The following CNIH4 variants were observed in gnomAD, a reference collection of about 807,000 sequenced individuals.
The protein encoded by CNIH4 is protein cornichon homolog 4.
A neutral mutation model predicts 21.5 loss-of-function variants in CNIH4; 9 were observed. The observed-to-expected ratio is 0.42, with a 90% CI of 0.25 to 0.73. The LOEUF is 0.73. Among genes scored for constraint, CNIH4 ranks in the 30% least tolerant of loss-of-function variants. The probability of loss-of-function intolerance (pLI) is 0.27; values close to 1 mark genes in which losing one functional copy is unlikely to be tolerated. For synonymous variants in CNIH4, 67 were observed against 59.1 expected (o/e 1.13, Z -0.61); for missense variants, 159 against 170.0 (o/e 0.94, Z 0.36).
In CNIH4 at chr1:224,378,100, G is replaced by C. The variant is rs577089012; in HGVS notation, c.*2278G>C. On this transcript the variant is annotated 3_prime_UTR_variant, in exon 5 of 5. Coordinates refer to ENST00000465271, the MANE Select transcript of CNIH4 (RefSeq NM_014184.4). ...GACAGAGTCTTGCCCTGTCGCCCAAGCTGGAGTGCACTGGCGCAATCGTGG... is the reference window on the plus strand; with the variant it reads ...GACAGAGTCTTGCCCTGTCGCCCAACCTGGAGTGCACTGGCGCAATCGTGG... 1 of 151,710 alleles carries C rather than the reference G, an allele frequency of 6.6e-6. No individual in the cohort carries two copies. Among genetic ancestry groups the C allele is most frequent in the Non-Finnish European group, 1.5e-5 (1 of 67,996 alleles). 9.4% of individuals were successfully genotyped at this position (151,710 alleles called of 1,614,324 possible).
intron 2 of CNIH4, 140 bp from the exon 3 acceptor site, chr1:224,365,739 T>A (rs1672432004): frequency 1.5e-6 from 1 of 657,376 alleles, no homozygotes; most frequent in Non-Finnish European, 2.8e-6. Context: ...AGTATGCAAA[T>A]CTGGGACATG....
At chr1:224,373,460 T>G (rs1463019645) in intron 4 of CNIH4, among the ~76,000 whole-genome samples, 1 of 152,118 alleles carries the variant, frequency 6.6e-6, no homozygotes, top group Non-Finnish European at 1.5e-5. Flanking sequence ...CTTGGAGGTA[T>G]CTTGCTTAGT....
At chr1:224,360,096 A>G (rs1672234501) in intron 1 of CNIH4, among the ~76,000 whole-genome samples, 1 of 152,182 alleles carries the variant, frequency 6.6e-6, no homozygotes. Context: ...GAATTGCGCC[A>G]CTGCACTACA....
chr1:224,379,218 A>G lies in CNIH4; in HGVS notation c.*3396A>G, dbSNP rs1347183523. The G allele has an allele frequency of 2.1e-6, 2 of 951,860 alleles. No individual in the cohort carries two copies. The highest frequency in any genetic ancestry group is 3.3e-6 in the Non-Finnish European group (2 of 611,724). The allele number at this position is 951,860 out of a possible 1,614,324, so 59.0% of individuals were successfully genotyped here. ...ACAGACTACAGTAGGACAAAACCTG[A>G]CCTGGTCTTTGAAGTTAAGAGCTAA... On this transcript the variant is annotated 3_prime_UTR_variant, in exon 5 of 5. Transcript: ENST00000465271.
intron 1 of CNIH4, 195 bp downstream of exon 1, chr1:224,357,188 C>T (rs1672140841): frequency 5.1e-6 from 3 of 592,140 alleles, no homozygotes; most frequent in Non-Finnish European, 3.0e-6. Flanking sequence ...ACCCGACGGG[C>T]CCTGCTGCCC....
chr1:224,369,741 A>G (rs114778921), intron 3 of CNIH4, among the ~76,000 whole-genome samples: 1,871 of 148,632 alleles, frequency 0.013, 36 homozygotes, highest in African/African-American at 0.041. Flanking sequence ...TGATACCGCA[A>G]TCTTGGCTCA....
chr1:224,378,275 G>A lies in CNIH4; in HGVS notation c.*2453G>A, dbSNP rs955563002. On this transcript the variant is annotated 3_prime_UTR_variant, in exon 5 of 5. Coordinates refer to ENST00000465271, the MANE Select transcript of CNIH4 (RefSeq NM_014184.4). ...TGCCTAGGCTGGTATCAAAATTACT[G>A]GCCTCAAGCGATTCTCCTGCCTCGG... The A allele has an allele frequency of 2.9e-4, 44 of 152,150 alleles. No homozygotes were observed. The highest frequency in any genetic ancestry group is 1.1e-3 in the African/African-American group (44 of 41,396). 9.4% of individuals were successfully genotyped at this position (152,150 alleles called of 1,614,324 possible).
In CNIH4 at chr1:224,376,196, C is replaced by T; in HGVS notation, c.*374C>T. 1 of 1,005,582 alleles carries T rather than the reference C, an allele frequency of 9.9e-7. No homozygotes were observed. 62.3% of individuals were successfully genotyped at this position (1,005,582 alleles called of 1,614,324 possible). Reference sequence around the variant, plus strand: ...CGAGCAAAGGTGCCCTTCAGGTCTACTGAAAAGTTAGAGTACAAAACAACA... The same window carrying T: ...CGAGCAAAGGTGCCCTTCAGGTCTATTGAAAAGTTAGAGTACAAAACAACA... On this transcript the variant is annotated 3_prime_UTR_variant, in exon 5 of 5. Coordinates refer to ENST00000465271, the MANE Select transcript of CNIH4 (RefSeq NM_014184.4).
At chr1:224,374,076 A>G (rs1416489024) in intron 4 of CNIH4, among the ~76,000 whole-genome samples, 1 of 152,090 alleles carries the variant, frequency 6.6e-6, no homozygotes. Context: ...GGTGTTACAT[A>G]TAGTTCAGAG....
Position 224,379,400 on chromosome 1 carries a change from T to C in CNIH4, c.*3578T>C. On this transcript the variant is annotated 3_prime_UTR_variant, in exon 5 of 5. Coordinates refer to ENST00000465271, the MANE Select transcript of CNIH4 (RefSeq NM_014184.4). ...TCTTCTTCCTTCTGCTCTTGGCACC[T>C]AACACAGTGCCTTGCACACAAACAA... is the stretch of plus-strand genomic sequence containing the variant. 2.6e-6 allele frequency: 1 copy of C among 386,170 alleles called. No homozygotes were observed. Among genetic ancestry groups the C allele is most frequent in the Non-Finnish European group, 4.9e-6 (1 of 205,170 alleles). 23.9% of individuals were successfully genotyped at this position (386,170 alleles called of 1,614,324 possible).
intron 1 of CNIH4, among the ~76,000 whole-genome samples, chr1:224,358,389 T>G (rs1459062642): frequency 6.6e-6 from 1 of 152,216 alleles, no homozygotes; most frequent in African/African-American, 2.4e-5. Context: ...TTAGTAGGTT[T>G]GGGGAGCTGA....
intron 3 of CNIH4, 50 bp from the exon 4 acceptor site, chr1:224,371,232 AT>A (rs1199480495): frequency 6.4e-7 from 1 of 1,558,628 alleles, no homozygotes; most frequent in Admixed American, 1.8e-5. Flanking sequence ...TTGAATACTT[AT>A]GCCTATGATT....
rs1672823223 is a variant in CNIH4 at position 224,377,855 on chromosome 1, A to C, written c.*2033A>C. On this transcript the variant is annotated 3_prime_UTR_variant, in exon 5 of 5. Coordinates refer to ENST00000465271, the MANE Select transcript of CNIH4 (RefSeq NM_014184.4). The stretch of plus-strand genomic sequence containing the variant: ...TAGTAACCAAAACAGTGACTCATGC[A>C]GTTGAGAGAGCCTTTGGGCTGTCAG... The C allele has an allele frequency of 6.6e-6, 1 of 152,154 alleles. No individual in the cohort carries two copies. Among genetic ancestry groups the C allele is most frequent in the South Asian group, 2.1e-4 (1 of 4,832 alleles). The allele number at this position is 152,154 out of a possible 1,614,324, so 9.4% of individuals were successfully genotyped here. A position where few individuals can be genotyped will look rare whatever the true frequency, so the allele number is the denominator to read the frequency against.
chr1:224,372,019 G>T (rs1157334674), intron 4 of CNIH4, among the ~76,000 whole-genome samples: 1 of 152,146 alleles, frequency 6.6e-6, no homozygotes, highest in African/African-American at 2.4e-5. Flanking sequence ...ATGTGCCTCA[G>T]CGACCATCCC....
In CNIH4 at chr1:224,376,341, A is replaced by T; in HGVS notation, c.*519A>T. On this transcript the variant is annotated 3_prime_UTR_variant, in exon 5 of 5. Coordinates refer to ENST00000465271, the MANE Select transcript of CNIH4 (RefSeq NM_014184.4). ...TAAAAGTCTTTTCACAAGAATGTCA[A>T]CAGAGAATGGCATCTCAAAATATAT... 1.0e-6 allele frequency: 1 copy of T among 985,368 alleles called. No homozygotes were observed. Among genetic ancestry groups the T allele is most frequent in the Admixed American group, 6.1e-5 (1 of 16,282 alleles). The allele number at this position is 985,368 out of a possible 1,614,324, so 61.0% of individuals were successfully genotyped here.
At chr1:224,358,129 G>A (rs899558960) in intron 1 of CNIH4, among the ~76,000 whole-genome samples, 14 of 152,268 alleles carry the variant, frequency 9.2e-5, no homozygotes, top group South Asian at 2.1e-4. Context: ...GACAAAATTT[G>A]GAATCAGATT....
At chr1:224,366,098 G>A (rs1394490431) in intron 3 of CNIH4, 107 bp downstream of exon 3, 1 of 740,792 alleles carries the variant, frequency 1.3e-6, no homozygotes, top group South Asian at 1.5e-5. Context: ...CTGGAGTGCA[G>A]TGGTGTGATC....
intron 4 of CNIH4, among the ~76,000 whole-genome samples, chr1:224,372,668 C>T (rs552242066): frequency 2.6e-5 from 4 of 152,074 alleles, no homozygotes; most frequent in South Asian, 2.1e-4. Context: ...CTGCAACCTC[C>T]ACCTCCCAGG....
At chr1:224,370,191 G>A (rs1236120003) in intron 3 of CNIH4, among the ~76,000 whole-genome samples, 1 of 152,080 alleles carries the variant, frequency 6.6e-6, no homozygotes, top group Admixed American at 6.6e-5. Flanking sequence ...AGTCCCAGTT[G>A]GGTAAGAGGA....
Sources: allele counts gnomAD v4.1 joint callset (sites outside exome capture counted in the v4.1 genomes callset), GRCh38; gene constraint gnomAD v4.1.1; transcripts MANE v1.5; gene names NCBI Gene and HGNC (gene_info 2026-07-23, HGNC 2026-07-21).